COL4A2: variants seen among roughly 807,000 people sequenced by gnomAD.
The protein encoded by COL4A2 is collagen type IV alpha 2 chain.
Under a neutral mutation model 200.2 loss-of-function variants are expected in COL4A2, and 99 were observed. The observed-to-expected ratio is 0.49, with a 90% CI of 0.42 to 0.58. COL4A2 has a LOEUF of 0.58. Ranked by LOEUF, COL4A2 falls within the 20% of genes least tolerant of loss-of-function variation. COL4A2 has a pLI of 0.00. For synonymous variants in COL4A2, 897 were observed against 900.6 expected, an observed-to-expected ratio of 1.00 and a Z score of 0.07; for missense variants, 1,950 against 2,314.1, an observed-to-expected ratio of 0.84 and a Z score of 3.23.
chr13:110,472,552 C>T (rs1314969608), intron 28 of COL4A2, among the ~76,000 whole-genome samples: 2 of 152,008 alleles, frequency 1.3e-5, no homozygotes, highest in African/African-American at 2.4e-5. Flanking sequence ...TTTTCCATCC[C>T]GAAGTGCTGT....
chr13:110,385,588 CCG>C lies in COL4A2; in HGVS notation c.180+28037_180+28038del, dbSNP rs1878682169. On this transcript the variant is annotated intron_variant, in intron 4 of 47. Transcript: ENST00000360467. ...ACCGTGGCTGCAGTGTGTGGATAGG[CCG>C]TGGTTACAGTGTGTGGATAGGCCGT... 1.1e-4 allele frequency among the ~76,000 whole-genome samples: 15 copies of C among 140,044 alleles called. 1 individual carries two copies. The highest frequency in any genetic ancestry group is 2.2e-4 in the South Asian group (1 of 4,476). 91.9% of individuals were successfully genotyped at this position (140,044 alleles called of 152,430 possible).
intron 4 of COL4A2, among the ~76,000 whole-genome samples, chr13:110,417,062 G>T (rs1384783863): frequency 6.6e-6 from 1 of 151,302 alleles, no homozygotes; most frequent in Non-Finnish European, 1.5e-5. Context: ...CTCACTGCAA[G>T]CTCCGCCTCC....
rs114709787 is a variant in COL4A2 at position 110,359,332 on chromosome 13, G to A, written c.180+1780G>A. The stretch of plus-strand genomic sequence containing the variant: ...AGTCTTGGTGTTACTTGGTTTAAAA[G>A]TATTATTTATATGTGCACCTTTAAG... On this transcript the variant is annotated intron_variant, in intron 4 of 47. Coordinates refer to ENST00000360467, the MANE Select transcript of COL4A2 (RefSeq NM_001846.4). 7.2e-3 allele frequency among the ~76,000 whole-genome samples: 1,092 copies of A among 152,276 alleles called. 18 individuals are homozygous for A. Among genetic ancestry groups the A allele is most frequent in the African/African-American group, 0.025 (1,028 of 41,540 alleles).
chr13:110,395,489 C>T (rs1365828748), intron 4 of COL4A2, among the ~76,000 whole-genome samples: 1 of 152,214 alleles, frequency 6.6e-6, no homozygotes, highest in African/African-American at 2.4e-5. Context: ...CTCCCTGCCC[C>T]ACTCCTCATG....
intron 3 of COL4A2, among the ~76,000 whole-genome samples, chr13:110,315,909 G>A (rs1328749095): frequency 6.6e-6 from 1 of 152,214 alleles, no homozygotes; most frequent in Non-Finnish European, 1.5e-5. Context: ...TTTGGATGAG[G>A]AGTACAGTCA....
chr13:110,312,886 T>C (rs553096135), intron 3 of COL4A2, among the ~76,000 whole-genome samples: 5 of 152,268 alleles, frequency 3.3e-5, no homozygotes, highest in African/African-American at 1.2e-4. Flanking sequence ...TGGAAGAGAA[T>C]GTTGTGTGGA....
At position 110,445,655 on chromosome 13, in the gene COL4A2, A is replaced by T. The variant is rs79854584; in HGVS notation, c.958-174A>T. ...TTTTGGCTCCTGGTTCTAGCAAAGC[A>T]ACCTTAAAAAGACATTTTTGAGACC... On this transcript the variant is annotated intron_variant, in intron 16 of 47. Transcript: ENST00000360467. Among the ~76,000 whole-genome samples, 1,013 of 152,372 alleles carry T rather than the reference A, an allele frequency of 6.6e-3. 8 individuals are homozygous for T. The highest frequency in any genetic ancestry group is 0.021 in the African/African-American group (860 of 41,588).
At chr13:110,357,421 A>G in intron 3 of COL4A2, 51 bp from the exon 4 acceptor site, 1 of 1,552,188 alleles carries the variant, frequency 6.4e-7, no homozygotes, top group Non-Finnish European at 8.7e-7. Context: ...TACATGTTGT[A>G]GTTGGCAATG....
chr13:110,389,408 G>A (rs1274396550), intron 4 of COL4A2, among the ~76,000 whole-genome samples: 1 of 152,204 alleles, frequency 6.6e-6, no homozygotes, highest in African/African-American at 2.4e-5. Context: ...GTAGAAGTGT[G>A]CGTGTGCGAG....
chr13:110,344,096 C>T (rs533436122), intron 3 of COL4A2, among the ~76,000 whole-genome samples: 5 of 151,826 alleles, frequency 3.3e-5, no homozygotes, highest in Admixed American at 2.0e-4. Context: ...CTCTCCCTAA[C>T]GAAACAGAAG....
intron 47 of COL4A2, 123 bp from the exon 48 acceptor site, chr13:110,511,811 C>T: frequency 1.3e-6 from 2 of 1,483,888 alleles, no homozygotes; most frequent in Non-Finnish European, 1.8e-6. Context: ...TGCCTCATGT[C>T]CGTATTGACA....
At chr13:110,475,939 G>A (rs372389052) in intron 29 of COL4A2, among the ~76,000 whole-genome samples, 2 of 152,340 alleles carry the variant, frequency 1.3e-5, no homozygotes, top group East Asian at 1.9e-4. Context: ...AAAGCACCTC[G>A]GTGCCTGATT....
chr13:110,434,428 G>A lies in COL4A2; in HGVS notation c.712G>A (p.Val238Ile). 1 of 1,614,076 alleles carries A rather than the reference G, an allele frequency of 6.2e-7. No individual in the cohort carries two copies. The highest frequency in any genetic ancestry group is 1.3e-5 in the African/African-American group (1 of 75,048). ...QGNRGLGFYG[V>I]KGEKGDVGQP... ...CAACAGAGGACTTGGTTTCTACGGA[G>A]TTAAGGGTGAAAAGGTAAAGGAAGC... Residue 238 changes from valine to isoleucine, a missense_variant, in exon 12 of 48, where the codon GTT (valine) becomes ATT (isoleucine). Physicochemically the swap from Val to Ile is conservative, Grantham distance 29. Around this residue, in one of 2 missense-constraint regions of COL4A2, gnomAD observed 565 missense variants for 593.5 expected, o/e 0.95. Coordinates refer to ENST00000360467, the MANE Select transcript of COL4A2 (RefSeq NM_001846.4).
In COL4A2 at chr13:110,503,487, T is replaced by A; in HGVS notation, c.4138+6T>A. On this transcript the variant is annotated splice_donor_region_variant and intron_variant, in intron 43 of 47. Coordinates refer to ENST00000360467, the MANE Select transcript of COL4A2 (RefSeq NM_001846.4). Reference sequence around the variant, plus strand: ...GGGAGACCCAGGATTCCCTGGTAAGTGACCGTCTGGTATCTTCAGAGCTAG... The same window carrying A: ...GGGAGACCCAGGATTCCCTGGTAAGAGACCGTCTGGTATCTTCAGAGCTAG... 1.3e-6 allele frequency: 2 copies of A among 1,519,646 alleles called. No homozygotes were observed. The highest frequency in any genetic ancestry group is 1.8e-6 in the Non-Finnish European group (2 of 1,118,730). The allele number at this position is 1,519,646 out of a possible 1,614,324, so 94.1% of individuals were successfully genotyped here.
At chr13:110,505,125 C>A (rs375264039) in intron 45 of COL4A2, among the ~76,000 whole-genome samples, 1 of 151,006 alleles carries the variant, frequency 6.6e-6, no homozygotes, top group Non-Finnish European at 1.5e-5. Flanking sequence ...CTGAGGTGGG[C>A]GGATCACAAG....
chr13:110,449,044 G>A (rs1212567284), intron 18 of COL4A2, among the ~76,000 whole-genome samples: 1 of 122,928 alleles, frequency 8.1e-6, no homozygotes, highest in Non-Finnish European at 1.9e-5. Context: ...ACTTCAGTGT[G>A]ACGCCCAGCA....
rs546940237 is a variant in COL4A2, at chr13:110,502,156, T to C, written c.3877+372T>C. ...ATATTGGAAAGAGATGGCGTAAAGA[T>C]GAAGTCACCCGTCAAACAAGTGTTT... On this transcript the variant is annotated intron_variant, in intron 41 of 47. Coordinates refer to ENST00000360467, the MANE Select transcript of COL4A2 (RefSeq NM_001846.4). Among the ~76,000 whole-genome samples, 4 of 152,292 alleles carry C rather than the reference T, an allele frequency of 2.6e-5. No homozygotes were observed. In the East Asian group the frequency reaches 7.7e-4, roughly 29 times the overall value.
At chr13:110,335,910 G>A (rs1421363680) in intron 3 of COL4A2, among the ~76,000 whole-genome samples, 1 of 152,198 alleles carries the variant, frequency 6.6e-6, no homozygotes, top group Non-Finnish European at 1.5e-5. Context: ...GTTTCCACAA[G>A]ATCCTGGAAG....
At chr13:110,337,433 G>A (rs938208917) in intron 3 of COL4A2, among the ~76,000 whole-genome samples, 1 of 152,264 alleles carries the variant, frequency 6.6e-6, no homozygotes, top group African/African-American at 2.4e-5. Context: ...AGCGGCATCT[G>A]CCAAGGCTGG....
Sources: allele counts gnomAD v4.1 joint callset (sites outside exome capture counted in the v4.1 genomes callset), GRCh38; gene constraint gnomAD v4.1.1; regional missense constraint gnomAD v4.1.1; transcripts MANE v1.5; gene names NCBI Gene and HGNC (gene_info 2026-07-23, HGNC 2026-07-21).